TIA1: variants seen among roughly 807,000 people sequenced by gnomAD.
TIA1 encodes the protein TIA1 cytotoxic granule associated RNA binding protein, also known as cytotoxic granule associated RNA binding protein TIA1.
In TIA1, 23 loss-of-function variants were observed where a neutral mutation model predicts 65.9. The ratio of observed to expected loss-of-function variants is 0.35; its 90% CI spans 0.25 to 0.49. The LOEUF is 0.49. Ranked by LOEUF, TIA1 falls within the 20% of genes least tolerant of loss-of-function variation. The pLI, the probability that TIA1 is intolerant of heterozygous loss-of-function variation, is 0.98. For synonymous variants in TIA1, 147 were observed against 149.4 expected (o/e 0.98, Z 0.12); for missense variants, 371 against 477.9 (o/e 0.78, Z 2.09).
chr2:70,213,485 T>C lies in TIA1; in HGVS notation c.1035-640A>G, dbSNP rs115213493. Among the ~76,000 whole-genome samples the C allele has an allele frequency of 3.6e-3, 544 of 151,716 alleles. 3 individuals carry two copies. Among genetic ancestry groups the C allele is most frequent in the African/African-American group, 0.013 (518 of 41,364 alleles). On this transcript the variant is annotated intron_variant, in intron 12 of 12. Transcript: ENST00000433529. The stretch of plus-strand genomic sequence containing the variant: ...TCAGTCTCCCGAACATCTGGGATTA[T>C]AGGCACGCAACCACCATGCCTGGCT...
At position 70,209,779 on chromosome 2, in the gene TIA1, T is replaced by C. The variant is rs1282653319; in HGVS notation, c.*2940A>G. 2.5e-6 allele frequency: 1 copy of C among 398,148 alleles called. No homozygotes were observed. The highest frequency in any genetic ancestry group is 3.6e-5 in the East Asian group (1 of 27,990). 24.7% of individuals were successfully genotyped at this position (398,148 alleles called of 1,614,324 possible). ...TCATTTGAAAGGTTTGCTTTCTTATTTCCTGTAAGTACATTTCGTTTTTCT... is the reference window on the plus strand; with the variant it reads ...TCATTTGAAAGGTTTGCTTTCTTATCTCCTGTAAGTACATTTCGTTTTTCT... On this transcript the variant is annotated 3_prime_UTR_variant, in exon 13 of 13. Transcript: ENST00000433529.
chr2:70,229,249 A>AT lies in TIA1; in HGVS notation c.277+14dup, dbSNP rs1685066883. ...CAATAAAAACAAATGTTCAAAGAGC[A>AT]TAAAATATACTTACTGCTTGTATCT... On this transcript the variant is annotated intron_variant, in intron 4 of 12. Coordinates refer to ENST00000433529, the MANE Select transcript of TIA1 (RefSeq NM_022173.4). The AT allele has an allele frequency of 6.2e-7, 1 of 1,613,800 alleles. No homozygotes were observed. The highest frequency in any genetic ancestry group is 2.2e-5 in the East Asian group (1 of 44,830).
chr2:70,219,545 A>T (rs1680243543), intron 7 of TIA1, among the ~76,000 whole-genome samples: 1 of 152,144 alleles, frequency 6.6e-6, no homozygotes, highest in African/African-American at 2.4e-5. Flanking sequence ...ATCACAGCTT[A>T]CTGTAGCCTT....
intron 6 of TIA1, chr2:70,224,888 C>G (rs1683137253): frequency 8.3e-7 from 1 of 1,204,840 alleles, no homozygotes; most frequent in South Asian, 2.7e-5. Flanking sequence ...ACTTTTTAAA[C>G]TTTTAAATAT....
chr2:70,228,159 T>C (rs893025202), intron 5 of TIA1, among the ~76,000 whole-genome samples: 2 of 152,202 alleles, frequency 1.3e-5, no homozygotes, highest in Non-Finnish European at 1.5e-5. Context: ...TAGTTACCAT[T>C]CTAATAATAA....
chr2:70,213,624 T>G (rs1398678051), intron 12 of TIA1, among the ~76,000 whole-genome samples: 2 of 151,220 alleles, frequency 1.3e-5, no homozygotes, highest in African/African-American at 4.9e-5. Flanking sequence ...GCTAGGATTA[T>G]AGGCATGAGC....
upstream of TIA1, chr2:70,248,653 G>A: frequency 1.6e-6 from 1 of 621,362 alleles, no homozygotes; most frequent in Non-Finnish European, 2.8e-6. Flanking sequence ...GGAGCAGCCA[G>A]CAAAGTTACC....
chr2:70,247,659 G>A (rs971433663), intron 1 of TIA1, among the ~76,000 whole-genome samples: 1 of 152,084 alleles, frequency 6.6e-6, no homozygotes, highest in South Asian at 2.1e-4. Context: ...AAATATGTTA[G>A]GGCATTTACA....
At chr2:70,221,172 A>G (rs1681156292) in intron 7 of TIA1, among the ~76,000 whole-genome samples, 1 of 151,098 alleles carries the variant, frequency 6.6e-6, no homozygotes, top group Non-Finnish European at 1.5e-5. Context: ...ATGCCTGGCT[A>G]ATTTTTCTAT....
intron 1 of TIA1, among the ~76,000 whole-genome samples, chr2:70,241,109 G>A (rs1238230503): frequency 6.6e-6 from 1 of 152,108 alleles, no homozygotes; most frequent in East Asian, 1.9e-4. Context: ...GGGAAACAGG[G>A]TATCTGAATA....
chr2:70,244,882 A>G (rs1477848137), intron 1 of TIA1, among the ~76,000 whole-genome samples: 1 of 151,488 alleles, frequency 6.6e-6, no homozygotes, highest in African/African-American at 2.4e-5. Flanking sequence ...TCAATACAAG[A>G]GATTTTATTT....
chr2:70,248,242 C>T (rs1445000447), intron 1 of TIA1, among the ~76,000 whole-genome samples, 163 bp downstream of exon 1: 2 of 152,254 alleles, frequency 1.3e-5, no homozygotes, highest in African/African-American at 4.8e-5. Flanking sequence ...CTCGTCCTCA[C>T]AGATTGGGTC....
At chr2:70,221,083 T>C (rs952952349) in intron 7 of TIA1, among the ~76,000 whole-genome samples, 1 of 152,128 alleles carries the variant, frequency 6.6e-6, no homozygotes, top group African/African-American at 2.4e-5. Flanking sequence ...CTCAGCTCAC[T>C]GCAACCTTTG....
At chr2:70,247,848 A>T (rs1695086815) in intron 1 of TIA1, among the ~76,000 whole-genome samples, 1 of 152,158 alleles carries the variant, frequency 6.6e-6, no homozygotes, top group East Asian at 1.9e-4. Flanking sequence ...GGTTAAAGAA[A>T]AATGCTTGGC....
At chr2:70,248,209 G>A (rs1007490772) in intron 1 of TIA1, among the ~76,000 whole-genome samples, 196 bp downstream of exon 1, 1 of 152,222 alleles carries the variant, frequency 6.6e-6, no homozygotes, top group South Asian at 2.1e-4. Context: ...TAATTGAGAG[G>A]GTTGAGCCCC....
rs1345373890 is a variant in TIA1 at position 70,216,208 on chromosome 2, C to T, written c.764G>A (p.Arg255Gln). Residue 255 changes from arginine (R) to glutamine (Q), a missense_variant and splice_region_variant, in exon 10 of 13, where the codon CGG (arginine) becomes CAG (glutamine). Transcript: ENST00000433529. ...VFPDKGYSFV[R>Q]FNSHESAAHA... ...TGTTTTTTTAAAAAACCATCCCTAC[C>T]GAACAAATGAATATCCTTTATCTGG... 3 of 1,564,672 alleles carry T rather than the reference C, an allele frequency of 1.9e-6. No homozygotes were observed. Among genetic ancestry groups the T allele is most frequent in the South Asian group, 1.2e-5 (1 of 80,540 alleles).
At chr2:70,222,226 A>C (rs1681762581) in intron 7 of TIA1, among the ~76,000 whole-genome samples, 1 of 152,190 alleles carries the variant, frequency 6.6e-6, no homozygotes. Context: ...CACAATCATA[A>C]GTGATTTTGC....
At chr2:70,225,458 T>C (rs1411619195) in intron 6 of TIA1, 1 of 1,275,358 alleles carries the variant, frequency 7.8e-7, no homozygotes, top group Non-Finnish European at 1.0e-6. Flanking sequence ...TAGCTAAAAC[T>C]CCATACCTCA....
chr2:70,224,342 CTTT>C, intron 7 of TIA1: 1 of 565,810 alleles, frequency 1.8e-6, no homozygotes, highest in Non-Finnish European at 3.0e-6. Context: ...AACAACTTTA[CTTT>C]CTACATTCTG....
Sources: allele counts gnomAD v4.1 joint callset (sites outside exome capture counted in the v4.1 genomes callset), GRCh38; gene constraint gnomAD v4.1.1; transcripts MANE v1.5; gene names NCBI Gene and HGNC (gene_info 2026-07-23, HGNC 2026-07-21).